Variants in MLIP observed in about 807,000 individuals in gnomAD.
MLIP encodes the protein muscular LMNA-interacting protein.
Under a neutral mutation model 84.8 loss-of-function variants are expected in MLIP, and 79 were observed. That is an observed-to-expected ratio of 0.93 (90% CI 0.78 to 1.12). The LOEUF (loss-of-function observed/expected upper bound fraction) is 1.12, where lower values mean the gene tolerates loss of function less well. Among genes scored for constraint, MLIP ranks in the 50% most tolerant of loss-of-function variants. MLIP has a pLI of 0.00. For missense variants in MLIP, 1,257 were observed against 1,160.6 expected (o/e 1.08, Z -1.21); for synonymous variants, 504 against 463.0 (o/e 1.09, Z -1.14).
upstream of MLIP, chr6:54,111,273 T>G: frequency 1.3e-6 from 1 of 743,728 alleles, no homozygotes; most frequent in African/African-American, 1.8e-5. Context: ...GCAGTTAGTA[T>G]GACCTCTCAT....
chr6:54,228,467 A>T (rs1562082994), intron 11 of MLIP, among the ~76,000 whole-genome samples: 1 of 152,214 alleles, frequency 6.6e-6, no homozygotes, highest in Non-Finnish European at 1.5e-5. Context: ...AGTGCTGATA[A>T]GATTCTGCTC....
At chr6:54,082,979 GTCTA>G (rs1205793479) in intron 1 of MLIP, among the ~76,000 whole-genome samples, 1 of 151,924 alleles carries the variant, frequency 6.6e-6, no homozygotes, top group East Asian at 1.9e-4. Flanking sequence ...TTTTGTATTT[GTCTA>G]TCTGTTTTTC....
intron 1 of MLIP, chr6:54,019,146 G>C (rs1763361191): frequency 2.6e-6 from 4 of 1,566,676 alleles, no homozygotes; most frequent in Non-Finnish European, 3.5e-6. Context: ...CAGGGTAGTA[G>C]AGCAACTGTC....
intron 1 of MLIP, among the ~76,000 whole-genome samples, chr6:54,091,238 C>T (rs1055427289): frequency 1.4e-4 from 22 of 152,096 alleles, no homozygotes; most frequent in African/African-American, 5.3e-4. Context: ...AAATTGTACC[C>T]GTATTTCCTA....
intron 9 of MLIP, among the ~76,000 whole-genome samples, chr6:54,177,915 G>T (rs552316482): frequency 1.1e-4 from 17 of 152,158 alleles, no homozygotes; most frequent in African/African-American, 3.9e-4. Context: ...GGAGCTGGAA[G>T]CCATTAGCCT....
intron 4 of MLIP, among the ~76,000 whole-genome samples, chr6:54,144,948 C>T (rs1772650146): frequency 6.6e-6 from 1 of 152,172 alleles, no homozygotes; most frequent in African/African-American, 2.4e-5. Context: ...TTGCAGCTGG[C>T]AACTAGCATT....
chr6:54,244,163 A>G (rs375162826), intron 12 of MLIP, among the ~76,000 whole-genome samples: 6 of 152,172 alleles, frequency 3.9e-5, no homozygotes, highest in African/African-American at 1.4e-4. Flanking sequence ...AACTTTATGT[A>G]TGATTAGAAA....
rs1783119140 is a variant in MLIP, at chr6:54,257,894, G to A, written c.2976+533G>A. On this transcript the variant is annotated intron_variant, in intron 13 of 13. Coordinates refer to ENST00000502396, the MANE Select transcript of MLIP (RefSeq NM_001281747.2). Reference sequence around the variant, plus strand: ...CATAGCCTCTACATTTCATGTAAATGTTTATCTAAAGTTTTGAGCTGATAA... The same window carrying A: ...CATAGCCTCTACATTTCATGTAAATATTTATCTAAAGTTTTGAGCTGATAA... Among the ~76,000 whole-genome samples, 4 of 152,000 alleles carry A rather than the reference G, an allele frequency of 2.6e-5. No homozygotes were observed. In the South Asian group the frequency reaches 8.3e-4, roughly 31 times the overall value.
At chr6:54,134,657 A>G (rs1771657192) in intron 3 of MLIP, among the ~76,000 whole-genome samples, 1 of 152,064 alleles carries the variant, frequency 6.6e-6, no homozygotes, top group Non-Finnish European at 1.5e-5. Flanking sequence ...TTTTGAGGAA[A>G]TTGGAGAGGT....
At chr6:54,028,750 G>A (rs375939147) in intron 1 of MLIP, 3 of 152,322 alleles carry the variant, frequency 2.0e-5, no homozygotes, top group African/African-American at 7.2e-5. Context: ...GGAAAAGAAA[G>A]AGCTGGTTTT....
intron 4 of MLIP, among the ~76,000 whole-genome samples, chr6:54,148,358 A>G (rs1196846782): frequency 6.6e-6 from 1 of 152,166 alleles, no homozygotes; most frequent in Non-Finnish European, 1.5e-5. Context: ...ACAACACTGA[A>G]CTGTATTATT....
chr6:54,115,238 G>A (rs1262110676), intron 1 of MLIP, among the ~76,000 whole-genome samples: 1 of 152,104 alleles, frequency 6.6e-6, no homozygotes, highest in Non-Finnish European at 1.5e-5. Flanking sequence ...GAGTAGGTAG[G>A]GGATTAGACT....
intron 1 of MLIP, among the ~76,000 whole-genome samples, chr6:54,084,726 C>T (rs1333678306): frequency 2.0e-5 from 3 of 152,058 alleles, no homozygotes; most frequent in Admixed American, 6.6e-5. Flanking sequence ...AAGCTTGTTG[C>T]CCCAGGGTAG....
chr6:54,151,602 T>C (rs1773450810), intron 5 of MLIP, among the ~76,000 whole-genome samples: 1 of 152,130 alleles, frequency 6.6e-6, no homozygotes, highest in Non-Finnish European at 1.5e-5. Context: ...GTAGGTAAGG[T>C]TGTAGACTCA....
chr6:54,246,984 C>T (rs554231875), intron 12 of MLIP, among the ~76,000 whole-genome samples: 2 of 152,100 alleles, frequency 1.3e-5, no homozygotes, highest in Admixed American at 1.3e-4. Flanking sequence ...GCTTTATTAC[C>T]CTTTCTTCCC....
At chr6:54,046,829 C>A (rs184995412) in intron 1 of MLIP, 3 of 152,114 alleles carry the variant, frequency 2.0e-5, no homozygotes, top group East Asian at 1.9e-4. Context: ...GATTGTCAGA[C>A]CTTGCAAATT....
intron 4 of MLIP, among the ~76,000 whole-genome samples, chr6:54,140,974 T>C (rs1030754407): frequency 6.6e-6 from 1 of 152,174 alleles, no homozygotes. Context: ...TTAGGTCAGC[T>C]TTACTCACTC....
Position 54,136,952 on chromosome 6 carries a change from T to G in MLIP, c.883T>G (p.Ser295Ala). The change falls in exon 4 of 14, where the codon TCG becomes GCG. Residue 295 changes from serine to alanine, a missense_variant. Physicochemically the swap from Ser to Ala is moderately conservative, Grantham distance 99 (BLOSUM62 1). Coordinates refer to ENST00000502396, the MANE Select transcript of MLIP (RefSeq NM_001281747.2). ...CTTTTCTGCATCGAAGGGCACCTCC[T>G]CGACGTTACTGTTTCCCCATTCCAC... ...TPFSASKGTS[S>A]TLLFPHSTQL... The G allele has an allele frequency of 1.3e-6, 2 of 1,536,074 alleles. No individual in the cohort carries two copies. Among genetic ancestry groups the G allele is most frequent in the Non-Finnish European group, 1.7e-6 (2 of 1,146,876 alleles).
chr6:54,115,669 A>G (rs1769851769), intron 1 of MLIP, among the ~76,000 whole-genome samples: 1 of 152,198 alleles, frequency 6.6e-6, no homozygotes, highest in African/African-American at 2.4e-5. Context: ...ATCTTTAAGG[A>G]AAGAAGCATT....
Sources: gnomAD v4.1 joint callset for allele counts (sites outside exome capture counted in the v4.1 genomes callset) on GRCh38, gnomAD v4.1.1 for gene constraint, MANE v1.5 for transcripts, NCBI Gene and HGNC (gene_info 2026-07-23, HGNC 2026-07-21) for gene names.